The following UTRN variants were observed in gnomAD, a reference collection of about 807,000 sequenced individuals.
UTRN encodes the protein utrophin, also known as dystrophin-related protein 1.
UTRN carries 283 observed loss-of-function variants against 463.9 expected under a neutral mutation model. The observed-to-expected ratio is 0.61, with a 90% CI of 0.55 to 0.67. UTRN has a LOEUF of 0.67. Among genes scored for constraint, UTRN ranks in the 30% least tolerant of loss-of-function variants. UTRN has a pLI of 0.00. For missense variants in UTRN, 3,922 were observed against 4,084.3 expected, an observed-to-expected ratio of 0.96 and a Z score of 1.08; for synonymous variants, 1,442 against 1,431.5, an observed-to-expected ratio of 1.01 and a Z score of -0.17.
chr6:144,427,150 G>A (rs1470838308), intron 7 of UTRN, among the ~76,000 whole-genome samples: 3 of 152,038 alleles, frequency 2.0e-5, no homozygotes, highest in East Asian at 1.9e-4. Flanking sequence ...TCTGATATAC[G>A]CTTGAGCTGA....
chr6:144,609,221 T>A (rs1404529270), intron 51 of UTRN, among the ~76,000 whole-genome samples: 5 of 152,046 alleles, frequency 3.3e-5, no homozygotes, highest in Non-Finnish European at 7.4e-5. Context: ...CTAATAAGCA[T>A]GTACATAGAA....
chr6:144,335,430 G>A (rs1776642927), intron 2 of UTRN, among the ~76,000 whole-genome samples: 1 of 152,212 alleles, frequency 6.6e-6, no homozygotes. Context: ...TCTTGCCTCT[G>A]CAGCACTCAC....
intron 58 of UTRN, among the ~76,000 whole-genome samples, chr6:144,767,558 T>C (rs900188890): frequency 6.6e-6 from 1 of 152,160 alleles, no homozygotes; most frequent in Non-Finnish European, 1.5e-5. Context: ...TGCCCTAGTT[T>C]TTTCCATCTG....
intron 2 of UTRN, among the ~76,000 whole-genome samples, chr6:144,350,906 C>T (rs1370578945): frequency 6.6e-6 from 1 of 152,112 alleles, no homozygotes; most frequent in African/African-American, 2.4e-5. Flanking sequence ...ATAGTATTTT[C>T]TTTCTTTTTT....
At chr6:144,708,440 C>G in intron 53 of UTRN, 1 of 635,952 alleles carries the variant, frequency 1.6e-6, no homozygotes, top group Non-Finnish European at 2.8e-6. Context: ...TCTAGAGGCT[C>G]TGACTCCTCG....
At chr6:144,692,275 T>C (rs1223760099) in intron 52 of UTRN, among the ~76,000 whole-genome samples, 1 of 152,222 alleles carries the variant, frequency 6.6e-6, no homozygotes, top group Non-Finnish European at 1.5e-5. Context: ...ACCACAGTTT[T>C]TCAATCCAGT....
chr6:144,606,541 GTATTA>G (rs1037257537), intron 51 of UTRN, among the ~76,000 whole-genome samples: 4 of 152,100 alleles, frequency 2.6e-5, no homozygotes, highest in Non-Finnish European at 5.9e-5. Context: ...TGAATGCCTT[GTATTA>G]TATTAAAAAT....
chr6:144,461,304 G>C lies in UTRN; in HGVS notation c.2815G>C (p.Asp939His), dbSNP rs1321404574. The C allele has an allele frequency of 6.3e-7, 1 of 1,594,994 alleles. No homozygotes were observed. Among genetic ancestry groups the C allele is most frequent in the African/African-American group, 1.3e-5 (1 of 74,536 alleles). Residue 939 changes from aspartate to histidine, a missense_variant, in exon 22 of 75, where the codon GAT (aspartate) becomes CAT (histidine). Asp to His is a moderately conservative substitution (Grantham distance 81). Transcript: ENST00000367545. ...CCAGGTGTCTCTGAATGTCCTTAATGATCTTGCCAAGGTGGAGAAGGCCCT... is the reference window on the plus strand; with the variant it reads ...CCAGGTGTCTCTGAATGTCCTTAATCATCTTGCCAAGGTGGAGAAGGCCCT... Reference protein sequence around the residue: ...KAQVSLNVLNDLAKVEKALQE... With the variant: ...KAQVSLNVLNHLAKVEKALQE...
chr6:144,703,537 G>T (rs985424442), intron 53 of UTRN, among the ~76,000 whole-genome samples: 1 of 152,172 alleles, frequency 6.6e-6, no homozygotes, highest in Non-Finnish European at 1.5e-5. Flanking sequence ...TTCAGAGGTT[G>T]GGAAAATGAG....
intron 52 of UTRN, among the ~76,000 whole-genome samples, chr6:144,693,736 A>AT (rs200451713): frequency 0.033 from 5,087 of 152,032 alleles, 298 homozygotes; most frequent in African/African-American, 0.12. Flanking sequence ...TTGCACATTG[A>AT]TTTTTTTTAT....
At chr6:144,778,321 C>T (rs985593896) in intron 60 of UTRN, among the ~76,000 whole-genome samples, 4 of 152,026 alleles carry the variant, frequency 2.6e-5, no homozygotes, top group African/African-American at 7.3e-5. Context: ...GGATATTTCA[C>T]GGTTTGCAGA....
chr6:144,498,873 A>G (rs1381911006), intron 33 of UTRN, among the ~76,000 whole-genome samples: 1 of 152,096 alleles, frequency 6.6e-6, no homozygotes, highest in Non-Finnish European at 1.5e-5. Context: ...AAATGAGGTC[A>G]TGTTTCCCAG....
intron 52 of UTRN, among the ~76,000 whole-genome samples, chr6:144,681,363 A>G (rs1208736628): frequency 6.6e-6 from 1 of 152,180 alleles, no homozygotes; most frequent in Non-Finnish European, 1.5e-5. Flanking sequence ...ATGGTGAAGG[A>G]GAGGGAAGCA....
intron 2 of UTRN, 79 bp from the exon 3 acceptor site, chr6:144,403,044 A>G (rs1207515409): frequency 1.6e-6 from 2 of 1,248,522 alleles, no homozygotes; most frequent in African/African-American, 1.5e-5. Flanking sequence ...TCTCCAGGAT[A>G]GAGATAACCT....
At position 144,590,832 on chromosome 6, in the gene UTRN, C is replaced by T. The variant is rs1294490293; in HGVS notation, c.7479+13544C>T. Among the ~76,000 whole-genome samples, 4 of 136,344 alleles carry T rather than the reference C, an allele frequency of 2.9e-5. No individual in the cohort carries two copies. In the South Asian group the frequency reaches 9.3e-4, roughly 32 times the overall value. 89.4% of individuals were successfully genotyped at this position (136,344 alleles called of 152,430 possible). ...ATAGGGTTGGAATTAGTCTCTCTCT[C>T]TCTCTCAATCTACACACACACACAC... On this transcript the variant is annotated intron_variant, in intron 51 of 74. Transcript: ENST00000367545.
At chr6:144,504,110 A>C (rs1448182072) in intron 34 of UTRN, among the ~76,000 whole-genome samples, 1 of 152,126 alleles carries the variant, frequency 6.6e-6, no homozygotes, top group East Asian at 1.9e-4. Flanking sequence ...CTTTGCTGAA[A>C]TTGCTTATCA....
At position 144,517,980 on chromosome 6, in the gene UTRN, A is replaced by G. The variant is rs570544852; in HGVS notation, c.5541+1032A>G. Among the ~76,000 whole-genome samples, 9 of 152,302 alleles carry G rather than the reference A, an allele frequency of 5.9e-5. No individual in the cohort carries two copies. In the South Asian group the frequency reaches 8.3e-4, roughly 14 times the overall value. ...TTCTTAACTATTTCTTGTTCCTCAC[A>G]TATCTTCTCACATCACACTGAGTAG... On this transcript the variant is annotated intron_variant, in intron 39 of 74. Transcript: ENST00000367545.
intron 19 of UTRN, among the ~76,000 whole-genome samples, chr6:144,456,933 T>TGATA (rs1788898304): frequency 6.6e-6 from 1 of 152,104 alleles, no homozygotes; most frequent in African/African-American, 2.4e-5. Flanking sequence ...AGTGATAGAC[T>TGATA]GAGAAGTGTA....
At chr6:144,393,683 T>A (rs1478269260) in intron 2 of UTRN, among the ~76,000 whole-genome samples, 1 of 150,306 alleles carries the variant, frequency 6.7e-6, no homozygotes, top group Non-Finnish European at 1.5e-5. Flanking sequence ...TGGAGGGAGG[T>A]TTGAATGTTC....
Sources: allele counts gnomAD v4.1 joint callset (sites outside exome capture counted in the v4.1 genomes callset), GRCh38; gene constraint gnomAD v4.1.1; transcripts MANE v1.5; gene names NCBI Gene and HGNC (gene_info 2026-07-23, HGNC 2026-07-21).